The following SETX variants were observed in gnomAD, a reference collection of about 807,000 sequenced individuals.
SETX encodes the protein senataxin.
A neutral mutation model predicts 227.2 loss-of-function variants in SETX; 90 were observed. The ratio of observed to expected loss-of-function variants is 0.40; its 90% confidence interval spans 0.33 to 0.47. The LOEUF (loss-of-function observed/expected upper bound fraction) is 0.47, where lower values mean the gene tolerates loss of function less well. Ranked by LOEUF, SETX falls within the 20% of genes least tolerant of loss-of-function variation. The pLI is 0.91. For missense variants in SETX, 3,052 were observed against 3,181.5 expected, an observed-to-expected ratio of 0.96 and a Z score of 0.98; for synonymous variants, 1,210 against 1,113.2, an observed-to-expected ratio of 1.09 and a Z score of -1.73.
At chr9:132,313,126 G>A (rs1449612378) in intron 10 of SETX, among the ~76,000 whole-genome samples, 2 of 152,108 alleles carry the variant, frequency 1.3e-5, no homozygotes, top group African/African-American at 4.8e-5. Context: ...ATTGTTTTAG[G>A]TCAACAGAAA....
intron 3 of SETX, among the ~76,000 whole-genome samples, chr9:132,347,569 C>T (rs1848361149): frequency 6.6e-6 from 1 of 151,882 alleles, no homozygotes; most frequent in Non-Finnish European, 1.5e-5. Flanking sequence ...CTCAGCATCC[C>T]AAAGTGCTGG....
At chr9:132,269,778 G>T in intron 24 of SETX, 76 bp from the exon 25 acceptor site, 1 of 1,434,476 alleles carries the variant, frequency 7.0e-7, no homozygotes, top group Non-Finnish European at 9.8e-7. Context: ...GTGGACTCTA[G>T]AATGACTCAA....
intron 5 of SETX, among the ~76,000 whole-genome samples, chr9:132,342,061 C>G (rs1212337169): frequency 6.6e-6 from 1 of 152,080 alleles, no homozygotes; most frequent in Admixed American, 6.6e-5. Context: ...CGTAATTTTT[C>G]TTGCCTTACA....
chr9:132,329,491 C>CT lies in SETX; in HGVS notation c.2106dup (p.Asp703ArgfsTer4). On this transcript the variant is annotated frameshift_variant, in exon 10 of 26. Coordinates refer to ENST00000224140, the MANE Select transcript of SETX (RefSeq NM_015046.7). LOFTEE classifies it high-confidence loss of function. Reference sequence around the variant, plus strand: ...TTCCTTGTACTTATTTTAATTTGATCTTCAGCTCTTTCAGTAAAAATGTTT... The same window carrying CT: ...TTCCTTGTACTTATTTTAATTTGATCTTTCAGCTCTTTCAGTAAAAATGTTT... 6.2e-7 allele frequency: 1 copy of CT among 1,612,424 alleles called. No individual in the cohort carries two copies. Among genetic ancestry groups the CT allele is most frequent in the Non-Finnish European group, 8.5e-7 (1 of 1,179,876 alleles).
rs181095229 is a variant in SETX, at chr9:132,351,004, C to A, written c.-7-1569G>T. ...TTATTAATGCCTTCTAGTACAAGGG[C>A]ACTGCAGACTAGGAAATGCCAAGTA... On this transcript the variant is annotated intron_variant, in intron 2 of 25. Transcript: ENST00000224140. 1.6e-3 allele frequency among the ~76,000 whole-genome samples: 246 copies of A among 152,272 alleles called. 1 individual carries two copies. Among genetic ancestry groups the A allele is most frequent in the African/African-American group, 5.5e-3 (227 of 41,554 alleles).
intron 18 of SETX, among the ~76,000 whole-genome samples, chr9:132,284,862 CCA>C (rs1843749100): frequency 6.6e-6 from 1 of 151,948 alleles, no homozygotes; most frequent in Admixed American, 6.6e-5. Context: ...GTGAAAACAC[CCA>C]CAAAGCTATT....
intron 4 of SETX, among the ~76,000 whole-genome samples, chr9:132,345,917 G>C (rs1368500409): frequency 7.9e-5 from 12 of 152,084 alleles, no homozygotes; most frequent in Non-Finnish European, 4.4e-5. Context: ...TACCCACAAG[G>C]CTCAGGCAGG....
chr9:132,265,580 C>T (rs1842609342), intron 25 of SETX, among the ~76,000 whole-genome samples: 1 of 152,162 alleles, frequency 6.6e-6, no homozygotes, highest in African/African-American at 2.4e-5. Flanking sequence ...GCACTAGTCA[C>T]TAGGAGCATC....
At chr9:132,278,288 C>T in intron 20 of SETX, 31 bp from the exon 21 acceptor site, 1 of 1,606,832 alleles carries the variant, frequency 6.2e-7, no homozygotes, top group Non-Finnish European at 8.5e-7. Flanking sequence ...CAACAGTTTC[C>T]AAGAATTCAT....
Position 132,336,222 on chromosome 9 carries a change from AAC to A in SETX, c.718+72_718+73del, listed in dbSNP as rs10573812. ...GGTGCCACTGCACTCCAGCCTGGGC[AAC>A]AGAGTGAGACTGTCTCAAAAAACAG... On this transcript the variant is annotated intron_variant, in intron 6 of 25. Transcript: ENST00000224140. The A allele has an allele frequency of 0.78, 1,026,575 of 1,307,920 alleles. 412,335 individuals carry two copies. Among genetic ancestry groups the A allele is most frequent in the Non-Finnish European group, 0.84 (763,496 of 913,196 alleles). The allele number at this position is 1,307,920 out of a possible 1,614,324, so 81.0% of individuals were successfully genotyped here. A position where few individuals can be genotyped will look rare whatever the true frequency, so the allele number is the denominator to read the frequency against.
chr9:132,322,322 C>A (rs1846414879), intron 10 of SETX, among the ~76,000 whole-genome samples: 1 of 152,146 alleles, frequency 6.6e-6, no homozygotes, highest in African/African-American at 2.4e-5. Context: ...ACCATCACCA[C>A]TACCTAATTC....
intron 11 of SETX, 66 bp from the exon 12 acceptor site, chr9:132,300,869 TAAAAG>T: frequency 7.1e-7 from 1 of 1,399,634 alleles, no homozygotes; most frequent in Non-Finnish European, 9.7e-7. Flanking sequence ...AAGATTAACT[TAAAAG>T]AAATTAAATC....
At chr9:132,290,839 C>CATAAATAA (rs111551397) in intron 15 of SETX, among the ~76,000 whole-genome samples, 4 of 151,452 alleles carry the variant, frequency 2.6e-5, no homozygotes, top group East Asian at 3.9e-4. Context: ...AGACCAGTTT[C>CATAAATAA]ATAAATAAAT....
At position 132,329,134 on chromosome 9, in the gene SETX, T is replaced by G; in HGVS notation, c.2464A>C (p.Ser822Arg). Residue 822 changes from serine (S) to arginine (R), a missense_variant, in exon 10 of 26, where the codon AGT becomes CGT. Transcript: ENST00000224140. ...DENLTVSNIE[S>R]FYSRKDTGVQ... is the part of the protein sequence containing the mutation. ...CCTGTATCTTTCCTTGAATAGAAAC[T>G]CTCAATGTTAGATACAGTCAAATTT... 2 of 1,610,316 alleles carry G rather than the reference T, an allele frequency of 1.2e-6. No individual in the cohort carries two copies. The highest frequency in any genetic ancestry group is 1.7e-6 in the Non-Finnish European group (2 of 1,179,402).
chr9:132,297,590 G>A (rs752362761), intron 13 of SETX, among the ~76,000 whole-genome samples: 4 of 152,208 alleles, frequency 2.6e-5, no homozygotes, highest in African/African-American at 4.8e-5. Context: ...GATTCCTTAA[G>A]AGGTGAGAAC....
At chr9:132,316,935 C>T (rs903669006) in intron 10 of SETX, among the ~76,000 whole-genome samples, 2 of 152,150 alleles carry the variant, frequency 1.3e-5, no homozygotes, top group Non-Finnish European at 2.9e-5. Context: ...CTTTTCCTTA[C>T]AAATTATAAA....
chr9:132,286,613 C>A, intron 17 of SETX, 119 bp from the exon 18 acceptor site: 1 of 746,044 alleles, frequency 1.3e-6, no homozygotes, highest in East Asian at 2.6e-5. Context: ...TGTATTTACC[C>A]AGCTTATTTC....
In SETX at chr9:132,328,549, A is replaced by T. The variant is rs1847003761; in HGVS notation, c.3049T>A (p.Ser1017Thr). The change falls in exon 10 of 26, where the codon TCA becomes ACA. Residue 1017 changes from serine to threonine, a missense_variant. By Grantham distance (58) the Ser-to-Thr change is moderately conservative. Around this residue, in one of 10 missense-constraint regions of SETX, gnomAD observed 1,483 missense variants for 1,312.0 expected, o/e 1.13. Coordinates refer to ENST00000224140, the MANE Select transcript of SETX (RefSeq NM_015046.7). ...DTSRGQVIII[S>T]DSDDDDDERI... ...TCATCATCATCATCATCAGAATCTGAAATAATAATAACCTGTCCACGGGAG... is the reference window on the plus strand; with the variant it reads ...TCATCATCATCATCATCAGAATCTGTAATAATAATAACCTGTCCACGGGAG... 1 of 1,613,946 alleles carries T rather than the reference A, an allele frequency of 6.2e-7. No homozygotes were observed. Among genetic ancestry groups the T allele is most frequent in the Admixed American group, 1.7e-5 (1 of 59,994 alleles).
intron 23 of SETX, among the ~76,000 whole-genome samples, chr9:132,274,552 C>G (rs1843061909): frequency 6.6e-6 from 1 of 151,858 alleles, no homozygotes; most frequent in South Asian, 2.1e-4. Context: ...AGCGATTTAC[C>G]TACCTCAGCC....
Sources: gnomAD v4.1 joint callset for allele counts (sites outside exome capture counted in the v4.1 genomes callset) on GRCh38, gnomAD v4.1.1 for gene constraint, gnomAD v4.1.1 regional missense constraint, MANE v1.5 for transcripts, NCBI Gene and HGNC (gene_info 2026-07-23, HGNC 2026-07-21) for gene names.